Variants in OR2L13 observed in about 807,000 individuals in gnomAD.
The protein encoded by OR2L13 is olfactory receptor 2L13.
A neutral mutation model predicts 15.3 loss-of-function variants in OR2L13; 14 were observed. The ratio of observed to expected loss-of-function variants is 0.91; its 90% confidence interval spans 0.60 to 1.43. The LOEUF (loss-of-function observed/expected upper bound fraction) is 1.43, where lower values mean the gene tolerates loss of function less well. OR2L13 is among the 40% of genes most tolerant of loss of function. The pLI is 0.00. For synonymous variants in OR2L13, 152 were observed against 142.9 expected, an observed-to-expected ratio of 1.06 and a Z score of -0.45; for missense variants, 367 against 387.9, an observed-to-expected ratio of 0.95 and a Z score of 0.45.
At chr1:247,988,564 G>T in the OR2L13 span, among the ~76,000 whole-genome samples, 1 of 152,002 alleles carries the variant, frequency 6.6e-6, no homozygotes, top group African/African-American at 2.4e-5. Context: ...GTACATCTTT[G>T]TGTGTGTGTA....
chr1:247,967,614 A>G, the OR2L13 span, among the ~76,000 whole-genome samples: 1 of 152,154 alleles, frequency 6.6e-6, no homozygotes, highest in Non-Finnish European at 1.5e-5. Context: ...TTCCATTATT[A>G]AACATTTGAT....
the OR2L13 span, among the ~76,000 whole-genome samples, chr1:248,009,660 C>A: frequency 6.6e-6 from 1 of 151,576 alleles, no homozygotes; most frequent in Non-Finnish European, 1.5e-5. Flanking sequence ...GGACCCCTCC[C>A]TTTTATGAGG....
the OR2L13 span, among the ~76,000 whole-genome samples, chr1:248,089,936 T>A: frequency 6.6e-6 from 1 of 152,228 alleles, no homozygotes; most frequent in East Asian, 1.9e-4. Context: ...CTATGATGTG[T>A]GGGCCCCCCA....
chr1:248,051,826 ATATACT>A, the OR2L13 span, among the ~76,000 whole-genome samples: 1 of 152,026 alleles, frequency 6.6e-6, no homozygotes, highest in African/African-American at 2.4e-5. Context: ...TTGTTGGATC[ATATACT>A]TATTCTATGT....
the OR2L13 span, among the ~76,000 whole-genome samples, chr1:248,087,709 A>G: frequency 9.1e-4 from 138 of 152,304 alleles, 2 homozygotes; most frequent in Middle Eastern, 0.024. Context: ...ATCTTTGGCA[A>G]GGGAATACAG....
the OR2L13 span, among the ~76,000 whole-genome samples, chr1:248,048,921 C>CTTTT: frequency 1.2e-4 from 17 of 141,958 alleles, 1 homozygote; most frequent in African/African-American, 4.8e-4. Context: ...TTTTCTCTCT[C>CTTTT]TCTTTTTTTT....
the OR2L13 span, among the ~76,000 whole-genome samples, chr1:247,942,709 AT>A: frequency 1.3e-5 from 2 of 152,136 alleles, no homozygotes; most frequent in Admixed American, 6.6e-5. Context: ...CATTTAAATG[AT>A]TTTTATTAGG....
the OR2L13 span, among the ~76,000 whole-genome samples, chr1:247,979,750 G>T: frequency 6.6e-6 from 1 of 152,094 alleles, no homozygotes; most frequent in East Asian, 1.9e-4. Flanking sequence ...GTCCCGCTGG[G>T]AGATGTAGAC....
chr1:247,954,222 C>T, the OR2L13 span, among the ~76,000 whole-genome samples: 1 of 152,094 alleles, frequency 6.6e-6, no homozygotes, highest in East Asian at 1.9e-4. Context: ...TTATGTCAAC[C>T]ACCACTACTA....
the OR2L13 span, chr1:247,949,404 A>G: frequency 3.7e-5 from 60 of 1,614,028 alleles, no homozygotes; most frequent in East Asian, 8.9e-5. Context: ...TGTCCCAGCA[A>G]TGGTGACTCT....
chr1:248,100,314 A>G (rs775273693), exon 3 of OR2L13: 13 of 1,552,578 alleles, frequency 8.4e-6, no homozygotes, highest in Non-Finnish European at 1.2e-5. Context: ...TGAAAGAATA[A>G]TCATGGCCAT....
chr1:247,998,514 T>G, the OR2L13 span, among the ~76,000 whole-genome samples: 1 of 152,150 alleles, frequency 6.6e-6, no homozygotes, highest in Non-Finnish European at 1.5e-5. Context: ...ATCTTATTGC[T>G]GCTTCTCACT....
chr1:248,093,861 G>T (rs1308701672), upstream of OR2L13, among the ~76,000 whole-genome samples: 1 of 152,044 alleles, frequency 6.6e-6, no homozygotes, highest in East Asian at 1.9e-4. Context: ...TCATATGTGG[G>T]AGCTAAAATT....
the OR2L13 span, among the ~76,000 whole-genome samples, chr1:248,026,776 T>A: frequency 1.2e-3 from 178 of 152,306 alleles, 1 homozygote; most frequent in Non-Finnish European, 1.9e-3. Context: ...ACTTCCCCAA[T>A]CAATACGCTT....
At chr1:248,084,469 A>G in the OR2L13 span, 2 of 1,612,244 alleles carry the variant, frequency 1.2e-6, no homozygotes, top group East Asian at 4.5e-5. Context: ...CAGGAGAATC[A>G]TGAGGGAATT....
chr1:248,044,318 T>C, the OR2L13 span, among the ~76,000 whole-genome samples: 1 of 152,152 alleles, frequency 6.6e-6, no homozygotes, highest in Non-Finnish European at 1.5e-5. Flanking sequence ...CTCCCTTATA[T>C]ATTGGGCCTA....
At chr1:248,030,650 G>A in the OR2L13 span, among the ~76,000 whole-genome samples, 4 of 152,064 alleles carry the variant, frequency 2.6e-5, no homozygotes, top group Non-Finnish European at 5.9e-5. Flanking sequence ...GCGATTGTAC[G>A]ATGCTCATTA....
At chr1:247,945,086 C>T in the OR2L13 span, among the ~76,000 whole-genome samples, 1 of 151,906 alleles carries the variant, frequency 6.6e-6, no homozygotes, top group Non-Finnish European at 1.5e-5. Context: ...CCAGTTCTTT[C>T]AGTTGTGATG....
At chr1:247,986,051 C>T in the OR2L13 span, among the ~76,000 whole-genome samples, 71 of 152,242 alleles carry the variant, frequency 4.7e-4, 1 homozygote, top group Middle Eastern at 6.8e-3. Flanking sequence ...TTCTCCCATT[C>T]CGTAAGTTGC....
Sources: allele counts gnomAD v4.1 joint callset (sites outside exome capture counted in the v4.1 genomes callset), GRCh38; gene constraint gnomAD v4.1.1; transcripts MANE v1.5; gene names NCBI Gene and HGNC (gene_info 2026-07-23, HGNC 2026-07-21).